The following ENOSF1 variants were observed in gnomAD, a reference collection of about 807,000 sequenced individuals.
ENOSF1 encodes the protein mitochondrial enolase superfamily member 1.
Under a neutral mutation model 68.2 loss-of-function variants are expected in ENOSF1, and 73 were observed. That is an observed-to-expected ratio of 1.07 (90% CI 0.89 to 1.30). The LOEUF is 1.30. ENOSF1 is among the 50% of genes most tolerant of loss of function. ENOSF1 has a pLI of 0.00. For missense variants in ENOSF1, 589 were observed against 554.5 expected, an observed-to-expected ratio of 1.06 and a Z score of -0.62; for synonymous variants, 223 against 210.4, an observed-to-expected ratio of 1.06 and a Z score of -0.52.
chr18:682,621 C>T (rs1027593770), intron 11 of ENOSF1, among the ~76,000 whole-genome samples: 2 of 150,906 alleles, frequency 1.3e-5, no homozygotes, highest in African/African-American at 4.9e-5. Context: ...TGTAATCCAG[C>T]ACTTTGGGAG....
intron 14 of ENOSF1, among the ~76,000 whole-genome samples, chr18:676,406 G>A (rs373354246): frequency 6.4e-5 from 9 of 141,372 alleles, no homozygotes; most frequent in South Asian, 4.7e-4. Context: ...GGTGCTGTTC[G>A]AGATAGTTAT....
chr18:705,044 G>C (rs1336393849), intron 2 of ENOSF1, among the ~76,000 whole-genome samples: 1 of 152,216 alleles, frequency 6.6e-6, no homozygotes, highest in Non-Finnish European at 1.5e-5. Flanking sequence ...AGTGTCCATT[G>C]AAAGTTCAAG....
At chr18:696,202 CTCTTTT>C (rs1184411411) in intron 3 of ENOSF1, among the ~76,000 whole-genome samples, 12 of 126,656 alleles carry the variant, frequency 9.5e-5, no homozygotes, top group Non-Finnish European at 1.4e-4. Flanking sequence ...TTACATCTCT[CTCTTTT>C]TTTTTTTTTT....
chr18:704,612 C>CT (rs373644673), intron 2 of ENOSF1, among the ~76,000 whole-genome samples: 33 of 138,416 alleles, frequency 2.4e-4, no homozygotes, highest in South Asian at 1.8e-3. Flanking sequence ...TATCTTTTTT[C>CT]TTTTTTTTTT....
At chr18:677,588 AT>A (rs2144592941) in intron 13 of ENOSF1, 144 bp from the exon 14 acceptor site, 3 of 1,296,618 alleles carry the variant, frequency 2.3e-6, no homozygotes, top group South Asian at 1.5e-5. Flanking sequence ...GATGAAAATC[AT>A]CAAAAATTCC....
the ENOSF1 span, among the ~76,000 whole-genome samples, chr18:664,676 T>C: frequency 6.7e-6 from 1 of 149,390 alleles, no homozygotes; most frequent in East Asian, 2.0e-4. Flanking sequence ...GCTCTTATTA[T>C]TTTGAAATAT....
intron 9 of ENOSF1, chr18:688,269 G>A: frequency 3.0e-6 from 1 of 329,308 alleles, no homozygotes; most frequent in Non-Finnish European, 5.7e-6. Context: ...AGATGTTCAT[G>A]CAGAAACTGA....
downstream of ENOSF1, among the ~76,000 whole-genome samples, chr18:665,492 G>A (rs2074801908): frequency 6.9e-6 from 1 of 144,578 alleles, no homozygotes; most frequent in Non-Finnish European, 1.5e-5. Context: ...TTTTTTGAAG[G>A]GTTTTTTGTG....
At chr18:682,175 G>A (rs1378224200) in intron 11 of ENOSF1, among the ~76,000 whole-genome samples, 3 of 152,156 alleles carry the variant, frequency 2.0e-5, no homozygotes, top group Non-Finnish European at 4.4e-5. Context: ...GTTACCCTCT[G>A]AGAAATGTGC....
intron 2 of ENOSF1, among the ~76,000 whole-genome samples, chr18:704,384 C>A (rs1305143383): frequency 1.4e-5 from 2 of 140,938 alleles, no homozygotes; most frequent in Admixed American, 7.6e-5. Context: ...AGCGAGATTG[C>A]GCCACTGCAC....
chr18:685,841 A>G lies in ENOSF1; in HGVS notation c.741+80T>C, dbSNP rs912097821. ...TGACAATTAACTTTTTAAATTCCCA[A>G]TGTTCTTTAATCTTGAAACGAGTTG... On this transcript the variant is annotated intron_variant, in intron 10 of 15. Coordinates refer to ENST00000647584, the MANE Select transcript of ENOSF1 (RefSeq NM_017512.7). 36 of 1,139,832 alleles carry G rather than the reference A, an allele frequency of 3.2e-5. No homozygotes were observed. The Middle Eastern group carries it at 5.9e-4, about 19-fold the overall frequency. 70.6% of individuals were successfully genotyped at this position (1,139,832 alleles called of 1,614,324 possible).
At chr18:682,188 T>C (rs1454948959) in intron 11 of ENOSF1, among the ~76,000 whole-genome samples, 1 of 152,126 alleles carries the variant, frequency 6.6e-6, no homozygotes, top group Non-Finnish European at 1.5e-5. Context: ...AAATGTGCCG[T>C]TGGGCTGTTT....
At chr18:681,291 G>A (rs1043232386) in intron 11 of ENOSF1, among the ~76,000 whole-genome samples, 3 of 152,158 alleles carry the variant, frequency 2.0e-5, no homozygotes, top group Admixed American at 1.3e-4. Flanking sequence ...TGCTCCCTGG[G>A]GCATCTCCAC....
chr18:697,476 C>G, intron 2 of ENOSF1, 121 bp from the exon 3 acceptor site: 2 of 760,130 alleles, frequency 2.6e-6, no homozygotes, highest in Non-Finnish European at 4.3e-6. Flanking sequence ...CTAGGCCAGG[C>G]GCGGTGGCTC....
chr18:705,640 A>C (rs2078846157), intron 2 of ENOSF1, among the ~76,000 whole-genome samples: 1 of 152,162 alleles, frequency 6.6e-6, no homozygotes, highest in Non-Finnish European at 1.5e-5. Context: ...TCCCCAAGGG[A>C]GACCTCCGAG....
At chr18:687,401 C>T (rs992524805) in intron 9 of ENOSF1, 12 of 152,178 alleles carry the variant, frequency 7.9e-5, no homozygotes, top group Non-Finnish European at 1.5e-4. Context: ...AATGCAGATT[C>T]CCAGGCAGCG....
At chr18:666,935 ATGGAGATGGT>A (rs2074835173), downstream of ENOSF1, among the ~76,000 whole-genome samples, 1 of 40,734 alleles carries the variant, frequency 2.5e-5, no homozygotes, top group African/African-American at 7.1e-5. Context: ...GGTGATGGTG[ATGGAGATGGT>A]GATGGTGATG....
intron 2 of ENOSF1, among the ~76,000 whole-genome samples, chr18:704,741 G>A (rs559812302): frequency 4.0e-5 from 6 of 151,886 alleles, no homozygotes; most frequent in African/African-American, 1.2e-4. Context: ...GAGTAGCTGA[G>A]ATTACAGCCA....
intron 9 of ENOSF1, 30 bp downstream of exon 9, chr18:688,544 T>G (rs751741519): frequency 6.2e-7 from 1 of 1,613,872 alleles, no homozygotes; most frequent in Admixed American, 1.7e-5. Context: ...TGCCGCCAAC[T>G]GGGAAAGTCA....
Sources: allele counts gnomAD v4.1 joint callset (sites outside exome capture counted in the v4.1 genomes callset), GRCh38; gene constraint gnomAD v4.1.1; transcripts MANE v1.5; gene names NCBI Gene and HGNC (gene_info 2026-07-23, HGNC 2026-07-21).